The following SEMA5B variants were observed in gnomAD, a reference collection of about 807,000 sequenced individuals.
The protein encoded by SEMA5B is semaphorin-5B.
SEMA5B carries 66 observed loss-of-function variants against 135.0 expected under a neutral mutation model. That is an observed-to-expected ratio of 0.49 (90% confidence interval 0.40 to 0.60). SEMA5B has a LOEUF of 0.60. Among genes scored for constraint, SEMA5B ranks in the 20% least tolerant of loss-of-function variants. The pLI is 0.00. For synonymous variants in SEMA5B, 690 were observed against 639.5 expected (o/e 1.08, Z -1.19); for missense variants, 1,501 against 1,566.3 (o/e 0.96, Z 0.70).
intron 5 of SEMA5B, among the ~76,000 whole-genome samples, chr3:122,934,173 C>T (rs1939134705): frequency 6.6e-6 from 1 of 151,592 alleles, no homozygotes; most frequent in South Asian, 2.1e-4. Context: ...TCCCAAAGTG[C>T]TGGGATTACA....
intron 1 of SEMA5B, among the ~76,000 whole-genome samples, chr3:122,966,554 A>ATTTTT (rs1335935235): frequency 6.8e-6 from 1 of 147,060 alleles, no homozygotes; most frequent in African/African-American, 2.6e-5. Flanking sequence ...TATTATTATT[A>ATTTTT]TTATTATTAT....
At position 122,923,605 on chromosome 3, in the gene SEMA5B, G is replaced by T; in HGVS notation, c.1272+12C>A. 6.2e-7 allele frequency: 1 copy of T among 1,613,960 alleles called. No individual in the cohort carries two copies. Among genetic ancestry groups the T allele is most frequent in the Non-Finnish European group, 8.5e-7 (1 of 1,179,930 alleles). On this transcript the variant is annotated intron_variant, in intron 10 of 22. Transcript: ENST00000357599. ...GTGTGTGAAGACAGGGAAAGAGGAG[G>T]AGATTCTGTACCTGGAAATTGGGGA...
rs1478303176 is a variant in SEMA5B at position 122,912,288 on chromosome 3, C to T, written c.2780G>A (p.Gly927Asp). Residue 927 changes from glycine (G) to aspartate (D), a missense_variant, in exon 19 of 23, where the codon GGT becomes GAT. Gly to Asp is a moderately conservative substitution (Grantham distance 94). Coordinates refer to ENST00000357599, the MANE Select transcript of SEMA5B (RefSeq NM_001031702.4). ...ACGGGTGCGTTGATAGTGACCCCCA[C>T]CACAGGAAGCTGAGCATGGAGACCA... ...TSWSPCSASC[G>D]GGHYQRTRSC... 1.2e-6 allele frequency: 2 copies of T among 1,612,014 alleles called. No individual in the cohort carries two copies. The highest frequency in any genetic ancestry group is 4.5e-5 in the East Asian group (2 of 44,780).
chr3:122,978,297 C>T (rs925952956), intron 1 of SEMA5B, among the ~76,000 whole-genome samples: 1 of 152,248 alleles, frequency 6.6e-6, no homozygotes, highest in African/African-American at 2.4e-5. Context: ...TCAGGAATCT[C>T]TGTGCAGTCG....
At chr3:122,975,715 G>T (rs1941294274) in intron 1 of SEMA5B, among the ~76,000 whole-genome samples, 1 of 152,068 alleles carries the variant, frequency 6.6e-6, no homozygotes, top group African/African-American at 2.4e-5. Context: ...GCTCACAATA[G>T]CCTCCTAAGT....
upstream of SEMA5B, chr3:123,027,914 C>G (rs1441584687): frequency 1.3e-5 from 2 of 152,084 alleles, no homozygotes; most frequent in Non-Finnish European, 2.9e-5. Context: ...TCGAGGCGCG[C>G]GGAGGAGCGC....
chr3:122,924,410 C>A (rs1938519991), intron 9 of SEMA5B, among the ~76,000 whole-genome samples: 1 of 152,150 alleles, frequency 6.6e-6, no homozygotes, highest in African/African-American at 2.4e-5. Flanking sequence ...GGTTTCAGCC[C>A]CCCTCTAGTC....
intron 1 of SEMA5B, among the ~76,000 whole-genome samples, chr3:122,999,381 C>T (rs1481471512): frequency 6.6e-6 from 1 of 152,072 alleles, no homozygotes; most frequent in African/African-American, 2.4e-5. Context: ...CGCCTGTGAC[C>T]ATGCCCGGCT....
At chr3:122,943,398 C>G (rs371479175) in intron 4 of SEMA5B, 38 bp downstream of exon 4, 2 of 1,427,258 alleles carry the variant, frequency 1.4e-6, no homozygotes, top group Non-Finnish European at 1.9e-6. Flanking sequence ...GCTCCAAGCC[C>G]CTGCACTTCC....
intron 1 of SEMA5B, among the ~76,000 whole-genome samples, chr3:123,018,762 C>T (rs1942614900): frequency 6.6e-6 from 1 of 152,188 alleles, no homozygotes; most frequent in Non-Finnish European, 1.5e-5. Context: ...GTCAGACTGC[C>T]TATCCCCTGT....
chr3:122,935,229 C>G (rs925787272), intron 5 of SEMA5B, among the ~76,000 whole-genome samples: 1 of 151,624 alleles, frequency 6.6e-6, no homozygotes, highest in Admixed American at 6.6e-5. Context: ...GGGAGGCCCT[C>G]TATGTCATAT....
In SEMA5B at chr3:122,913,050, C is replaced by T. The variant is rs993402538; in HGVS notation, c.2518G>A (p.Val840Ile). ...GSCDTDALVE[V>I]LLRSGSTSPH... Reference sequence around the variant, plus strand: ...GAGGTGCTCCCGCTGCGCAGGAGGACCTCCACCAGGGCTGCGGAGGGGCTA... The same window carrying T: ...GAGGTGCTCCCGCTGCGCAGGAGGATCTCCACCAGGGCTGCGGAGGGGCTA... The change falls in exon 18 of 23, where the codon GTC (valine) becomes ATC (isoleucine). Residue 840 changes from valine to isoleucine, a missense_variant. By Grantham distance (29) the Val-to-Ile change is conservative (BLOSUM62 3). Coordinates refer to ENST00000357599, the MANE Select transcript of SEMA5B (RefSeq NM_001031702.4). 1.3e-6 allele frequency: 2 copies of T among 1,524,396 alleles called. No individual in the cohort carries two copies. Among genetic ancestry groups the T allele is most frequent in the Non-Finnish European group, 1.8e-6 (2 of 1,137,312 alleles). 94.4% of individuals were successfully genotyped at this position (1,524,396 alleles called of 1,614,324 possible).
At chr3:122,974,870 A>G (rs1385244574) in intron 1 of SEMA5B, among the ~76,000 whole-genome samples, 1 of 152,218 alleles carries the variant, frequency 6.6e-6, no homozygotes, top group Non-Finnish European at 1.5e-5. Context: ...ATAACAGCTA[A>G]CAGGCTTACT....
rs191491664 is a variant in SEMA5B, at chr3:122,985,886, A to G, written c.-38-24585T>C. ...AATCAAGAAATAAATTAACATGTGA[A>G]AAGAGAGAGAAGCTTGTCCCAATTT... On this transcript the variant is annotated intron_variant, in intron 1 of 22. Coordinates refer to ENST00000357599, the MANE Select transcript of SEMA5B (RefSeq NM_001031702.4). 4.6e-5 allele frequency among the ~76,000 whole-genome samples: 7 copies of G among 152,348 alleles called. No homozygotes were observed. The East Asian group carries it at 1.3e-3, about 29-fold the overall frequency.
At chr3:123,024,693 C>T (rs773175840) in intron 1 of SEMA5B, among the ~76,000 whole-genome samples, 13 of 152,116 alleles carry the variant, frequency 8.5e-5, no homozygotes, top group Non-Finnish European at 1.6e-4. Flanking sequence ...TAGAACCAGG[C>T]CATGAGATAT....
intron 1 of SEMA5B, among the ~76,000 whole-genome samples, chr3:122,988,107 C>G (rs1459958761): frequency 6.6e-6 from 1 of 152,114 alleles, no homozygotes; most frequent in Non-Finnish European, 1.5e-5. Context: ...CACAGAGATC[C>G]TGATTCTCCC....
intron 2 of SEMA5B, among the ~76,000 whole-genome samples, chr3:122,950,302 C>A (rs959133507): frequency 6.6e-5 from 10 of 152,288 alleles, no homozygotes; most frequent in Middle Eastern, 6.8e-3. Context: ...GGGGAGAGGG[C>A]CACTACCATA....
chr3:122,963,587 A>G (rs1940686763), intron 1 of SEMA5B, among the ~76,000 whole-genome samples: 1 of 152,214 alleles, frequency 6.6e-6, no homozygotes, highest in Admixed American at 6.5e-5. Flanking sequence ...TAAGAATCCA[A>G]ATGGCCTGAA....
At chr3:123,017,185 G>A (rs944829973) in intron 1 of SEMA5B, among the ~76,000 whole-genome samples, 12 of 152,110 alleles carry the variant, frequency 7.9e-5, no homozygotes, top group African/African-American at 2.9e-4. Context: ...CCCGCGCCTG[G>A]CCCAGATGCA....
Sources: gnomAD v4.1 joint callset for allele counts (sites outside exome capture counted in the v4.1 genomes callset) on GRCh38, gnomAD v4.1.1 for gene constraint, MANE v1.5 for transcripts, NCBI Gene and HGNC (gene_info 2026-07-23, HGNC 2026-07-21) for gene names.